Variants in GFAP observed in about 807,000 individuals in gnomAD.
GFAP encodes the protein intermediate filament protein.
A neutral mutation model predicts 49.3 loss-of-function variants in GFAP; 38 were observed. That is an observed-to-expected ratio of 0.77 (90% CI 0.60 to 1.01). The LOEUF is 1.01. Ranked by LOEUF, GFAP falls within the 50% of genes least tolerant of loss-of-function variation. The pLI is 0.00. For synonymous variants in GFAP, 222 were observed against 236.4 expected (o/e 0.94, Z 0.56); for missense variants, 463 against 579.1 (o/e 0.80, Z 2.06).
intron 7 of GFAP, chr17:44,910,232 A>T (rs2051729603): frequency 6.2e-7 from 1 of 1,613,884 alleles, no homozygotes; most frequent in Non-Finnish European, 8.5e-7. Context: ...TGACCTTGTG[A>T]TTTTCCCCGT....
At chr17:44,913,575 CTGTT>C (rs748219679) in intron 3 of GFAP, 145 bp from the exon 4 acceptor site, 12 of 1,086,216 alleles carry the variant, frequency 1.1e-5, no homozygotes, top group Non-Finnish European at 1.7e-5. Flanking sequence ...TAGTGTCTTT[CTGTT>C]TGTCTTTCAT....
chr17:44,914,140 A>T (rs1020740274), intron 1 of GFAP, 52 bp from the exon 2 acceptor site: 5 of 1,302,784 alleles, frequency 3.8e-6, no homozygotes, highest in Non-Finnish European at 5.4e-6. Flanking sequence ...GGACACTTGA[A>T]TACCTGCCTC....
chr17:44,910,367 G>C, intron 7 of GFAP: 1 of 1,609,768 alleles, frequency 6.2e-7, no homozygotes, highest in Non-Finnish European at 8.5e-7. Flanking sequence ...ACCCAGTTCT[G>C]CTGTCGAATG....
In GFAP at chr17:44,915,405, C is replaced by G. The variant is rs199848423; in HGVS notation, c.82G>C (p.Gly28Arg). 1 of 1,606,880 alleles carries G rather than the reference C, an allele frequency of 6.2e-7. No homozygotes were observed. Among genetic ancestry groups the G allele is most frequent in the East Asian group, 2.2e-5 (1 of 44,780 alleles). The change falls in exon 1 of 9, where the codon GGC (glycine) becomes CGC (arginine). Residue 28 changes from glycine to arginine, a missense_variant. Physicochemically the swap from Gly to Arg is moderately radical, Grantham distance 125. Around this residue, in one of 3 missense-constraint regions of GFAP, gnomAD observed 89 missense variants for 87.5 expected, o/e 1.02. Coordinates refer to ENST00000588735, the MANE Select transcript of GFAP (RefSeq NM_002055.5). This position sits in a 1 kb window ranked among gnomAD's most constrained non-coding sequence, Gnocchi z 4.1. ...CGGGTGCCAGGACCCAGACGGCGGC[C>G]AGGAGCCAGGCCCCCCACCATCATC... ...GEMMVGGLAP[G>R]RRLGPGTRLS...
chr17:44,911,196 C>CT (rs1361457409), intron 6 of GFAP, 40 bp downstream of exon 6: 1 of 1,555,162 alleles, frequency 6.4e-7, no homozygotes, highest in Non-Finnish European at 8.8e-7. Flanking sequence ...TACCGTGAGG[C>CT]AGCAGGGAGA....
Position 44,904,980 on chromosome 17 carries a change from GCTACC to G in GFAP, c.*2362_*2366del, listed in dbSNP as rs1567768256. ...TCGGCTGTGGAGCTCACCCTGATAGGCTACCTGCTCATCACAGCAGTCTTTGTCAC... is the reference window on the plus strand; with the variant it reads ...TCGGCTGTGGAGCTCACCCTGATAGGTGCTCATCACAGCAGTCTTTGTCAC... On this transcript the variant is annotated 3_prime_UTR_variant, in exon 9 of 9. Transcript: ENST00000588735. 2.6e-6 allele frequency: 4 copies of G among 1,550,772 alleles called. No homozygotes were observed. The South Asian group carries it at 4.8e-5, about 18-fold the overall frequency.
rs2051890239 is a variant in GFAP, at chr17:44,915,413, AG to A, written c.73del (p.Leu25TrpfsTer49). ...AGGACCCAGACGGCGGCCAGGAGCC[AG>A]GCCCCCCACCATCATCTCCCCTGAG... ...VSSGEMMVGG[L>X]APGRRLGPGT... On this transcript the variant is annotated frameshift_variant, in exon 1 of 9. Coordinates refer to ENST00000588735, the MANE Select transcript of GFAP (RefSeq NM_002055.5). LOFTEE classifies it high-confidence loss of function. The surrounding 1 kb of genome is among the most constrained non-coding windows in gnomAD (Gnocchi z 4.1). The A allele has an allele frequency of 6.2e-7, 1 of 1,607,264 alleles. No individual in the cohort carries two copies. Among genetic ancestry groups the A allele is most frequent in the African/African-American group, 1.3e-5 (1 of 74,846 alleles).
At position 44,908,160 on chromosome 17, in the gene GFAP, G is replaced by C; in HGVS notation, c.1172-11C>G. ...TGTCCAGGCTGGTTTCTGCAGATGT[G>C]GGGAGAGGAGGCCTCTCATGGACTT... On this transcript the variant is annotated splice_polypyrimidine_tract_variant and intron_variant, in intron 7 of 8. Coordinates refer to ENST00000588735, the MANE Select transcript of GFAP (RefSeq NM_002055.5). The C allele has an allele frequency of 1.3e-6, 2 of 1,589,270 alleles. No homozygotes were observed. Among genetic ancestry groups the C allele is most frequent in the African/African-American group, 1.3e-5 (1 of 74,534 alleles).
In GFAP at chr17:44,904,007, G is replaced by A. The variant is rs765331988; in HGVS notation, c.*3340C>T. The A allele has an allele frequency of 6.4e-7, 1 of 1,550,638 alleles. No homozygotes were observed. Among genetic ancestry groups the A allele is most frequent in the East Asian group, 2.4e-5 (1 of 40,928 alleles). ...TCCCTGTCACTGCAAACCCGAAGAG[G>A]TGCCAGCTGTAGTCTGGTTCTACCA... On this transcript the variant is annotated 3_prime_UTR_variant, in exon 9 of 9. Transcript: ENST00000588735.
At chr17:44,909,841 C>G in intron 7 of GFAP, 1 of 1,241,326 alleles carries the variant, frequency 8.1e-7, no homozygotes, top group Non-Finnish European at 1.0e-6. Context: ...AAGGGGCCCT[C>G]CCAGTGACAG....
intron 1 of GFAP, 108 bp downstream of exon 1, chr17:44,914,918 C>A (rs915208919): frequency 7.4e-6 from 7 of 940,086 alleles, no homozygotes; most frequent in Admixed American, 6.1e-5. Flanking sequence ...GGTAGGGAGG[C>A]CCAGGGAGCA....
In GFAP at chr17:44,907,345, C is replaced by T. The variant is rs756854907; in HGVS notation, c.*2G>A. The T allele has an allele frequency of 6.2e-7, 1 of 1,613,738 alleles. No individual in the cohort carries two copies. The highest frequency in any genetic ancestry group is 1.1e-5 in the South Asian group (1 of 91,066). ...GGCAGAGGCCACCAGGTGGGTCCTG[C>T]CTCACATCACATCCTTGTGCTCCTG... On this transcript the variant is annotated 3_prime_UTR_variant, in exon 9 of 9. Transcript: ENST00000588735.
At chr17:44,907,961 G>T in intron 8 of GFAP, 103 bp downstream of exon 8, 2 of 829,338 alleles carry the variant, frequency 2.4e-6, no homozygotes, top group Non-Finnish European at 4.3e-6. Context: ...ACTGGGAGTT[G>T]CTGGGAACCT....
At position 44,906,965 on chromosome 17, in the gene GFAP, C is replaced by A. The variant is rs2051661295; in HGVS notation, c.*382G>T. 1 of 325,160 alleles carries A rather than the reference C, an allele frequency of 3.1e-6. No individual in the cohort carries two copies. The highest frequency in any genetic ancestry group is 6.0e-6 in the Non-Finnish European group (1 of 167,022). 20.1% of individuals were successfully genotyped at this position (325,160 alleles called of 1,614,324 possible). ...CAGTTCCCAGATACTCCGAGAGAACCTCCATCTCTGGCAACAGTTTCCATA... is the reference window on the plus strand; with the variant it reads ...CAGTTCCCAGATACTCCGAGAGAACATCCATCTCTGGCAACAGTTTCCATA... On this transcript the variant is annotated 3_prime_UTR_variant, in exon 9 of 9. Transcript: ENST00000588735.
At chr17:44,911,889 C>T in intron 4 of GFAP, 92 bp from the exon 5 acceptor site, 3 of 1,446,612 alleles carry the variant, frequency 2.1e-6, no homozygotes, top group Non-Finnish European at 2.8e-6. Flanking sequence ...CCCAGTTAAC[C>T]CCAGGACGTT....
At position 44,914,100 on chromosome 17, in the gene GFAP, G is replaced by T; in HGVS notation, c.462-12C>A. On this transcript the variant is annotated splice_polypyrimidine_tract_variant and intron_variant, in intron 1 of 8. Coordinates refer to ENST00000588735, the MANE Select transcript of GFAP (RefSeq NM_002055.5). ...TTTCATCCTGGAGCCTGGAGTGGGG[G>T]GACACATTCCTGGGTCCAGGCTCTT... The T allele has an allele frequency of 6.5e-7, 1 of 1,545,804 alleles. No individual in the cohort carries two copies. Among genetic ancestry groups the T allele is most frequent in the Non-Finnish European group, 8.8e-7 (1 of 1,141,216 alleles).
In GFAP at chr17:44,911,888, C is replaced by T. The variant is rs933722446; in HGVS notation, c.781-91G>A. 4 of 1,449,260 alleles carry T rather than the reference C, an allele frequency of 2.8e-6. No individual in the cohort carries two copies. In the South Asian group the frequency reaches 4.9e-5, roughly 18 times the overall value. The allele number at this position is 1,449,260 out of a possible 1,614,324, so 89.8% of individuals were successfully genotyped here. ...GGGAGGTGAGCAGCACCCCAGTTAA[C>T]CCCAGGACGTTGGCCCTGGCTGGGA... On this transcript the variant is annotated intron_variant, in intron 4 of 8. Transcript: ENST00000588735.
chr17:44,913,506 T>C, intron 3 of GFAP, 76 bp from the exon 4 acceptor site: 1 of 1,486,248 alleles, frequency 6.7e-7, no homozygotes, highest in Non-Finnish European at 9.3e-7. Context: ...CATTGTGTCC[T>C]CTTCTGCCTG....
chr17:44,915,481 C>T lies in GFAP; in HGVS notation c.6G>A (p.Glu2=). Residue 2 remains glutamate, a synonymous_variant, in exon 1 of 9, where the codon GAG becomes GAA. Transcript: ENST00000588735. The surrounding 1 kb of genome is among the most constrained non-coding windows in gnomAD (Gnocchi z 4.1). ...GAGCAGCGGAGGTGATGCGTCTCCT[C>T]TCCATCCTGCTCTGGCTCTGCTCGC... M[E]RRRITSAARR... 1 of 1,572,758 alleles carries T rather than the reference C, an allele frequency of 6.4e-7. No homozygotes were observed. Among genetic ancestry groups the T allele is most frequent in the South Asian group, 1.1e-5 (1 of 86,982 alleles).
Sources: gnomAD v4.1 joint callset for allele counts on GRCh38, gnomAD v4.1.1 for gene constraint, gnomAD v4.1.1 regional missense constraint, Gnocchi (gnomAD v3.1) non-coding constraint, MANE v1.5 for transcripts, NCBI Gene and HGNC (gene_info 2026-07-23, HGNC 2026-07-21) for gene names.